The following ADI1 variants were observed in gnomAD, a reference collection of about 807,000 sequenced individuals.
The protein encoded by ADI1 is acireductone dioxygenase 1.
ADI1 carries 21 observed loss-of-function variants against 18.7 expected under a neutral mutation model. That is an observed-to-expected ratio of 1.13 (90% CI 0.80 to 1.62). The LOEUF (loss-of-function observed/expected upper bound fraction) is 1.62, where lower values mean the gene tolerates loss of function less well. ADI1 is among the 40% of genes most tolerant of loss of function. The pLI is 0.00. For synonymous variants in ADI1, 90 were observed against 100.1 expected (o/e 0.90, Z 0.60); for missense variants, 245 against 254.9 (o/e 0.96, Z 0.26).
Position 3,498,893 on chromosome 2 carries a change from G to A in ADI1, c.*70C>T, listed in dbSNP as rs542113701. The stretch of plus-strand genomic sequence containing the variant: ...TATCCTCTAAAAGCAAAGAGAAAGT[G>A]ATTGATTTTCTGCTCAGTCATTACA... On this transcript the variant is annotated 3_prime_UTR_variant, in exon 4 of 4. Coordinates refer to ENST00000327435, the MANE Select transcript of ADI1 (RefSeq NM_018269.4). 4.3e-4 allele frequency: 657 copies of A among 1,530,308 alleles called. No homozygotes were observed. Among genetic ancestry groups the A allele is most frequent in the Non-Finnish European group, 5.5e-4 (625 of 1,131,006 alleles). The allele number at this position is 1,530,308 out of a possible 1,614,324, so 94.8% of individuals were successfully genotyped here. A position where few individuals can be genotyped will look rare whatever the true frequency, so the allele number is the denominator to read the frequency against.
intron 2 of ADI1, among the ~76,000 whole-genome samples, chr2:3,513,220 G>A (rs1326103875): frequency 6.6e-6 from 1 of 152,186 alleles, no homozygotes; most frequent in Non-Finnish European, 1.5e-5. Flanking sequence ...TGAGACTTTG[G>A]ACTTGAACTT....
chr2:3,501,580 C>A (rs771807286), intron 2 of ADI1, among the ~76,000 whole-genome samples: 41 of 152,168 alleles, frequency 2.7e-4, no homozygotes, highest in Non-Finnish European at 4.4e-4. Context: ...GTTGCCCAGG[C>A]TGGAGTGCAG....
chr2:3,519,328 G>C, intron 1 of ADI1, 40 bp downstream of exon 1: 1 of 1,351,014 alleles, frequency 7.4e-7, no homozygotes, highest in Non-Finnish European at 9.5e-7. Context: ...TTTGGGGGTC[G>C]GCGTCGCCCG....
At chr2:3,509,925 C>A (rs1216495024) in intron 2 of ADI1, among the ~76,000 whole-genome samples, 1 of 151,962 alleles carries the variant, frequency 6.6e-6, no homozygotes, top group Non-Finnish European at 1.5e-5. Flanking sequence ...AGGAGGATCA[C>A]CTGAGATCAG....
rs748614918 is a variant in ADI1, at chr2:3,513,899, G to C, written c.198C>G (p.Ile66Met). The stretch of plus-strand genomic sequence containing the variant: ...GTAGTTTATCTTTGCATATGGTTAT[G>C]ATGTCCATCCAGGAGTAGTTCCTCT... ...RRERNYSWMD[I>M]ITICKDKLPN... Residue 66 changes from isoleucine to methionine, a missense_variant, in exon 2 of 4, where the codon ATC (isoleucine) becomes ATG (methionine). By Grantham distance (10) the Ile-to-Met change is conservative. Coordinates refer to ENST00000327435, the MANE Select transcript of ADI1 (RefSeq NM_018269.4). 11 of 1,610,940 alleles carry C rather than the reference G, an allele frequency of 6.8e-6. No individual in the cohort carries two copies. The highest frequency in any genetic ancestry group is 8.5e-6 in the Non-Finnish European group (10 of 1,179,340).
At chr2:3,500,739 C>T in intron 3 of ADI1, 75 bp downstream of exon 3, 2 of 1,591,578 alleles carry the variant, frequency 1.3e-6, no homozygotes. Flanking sequence ...GGAAGCCGCG[C>T]AGTTCAGCGG....
At chr2:3,515,105 G>A (rs935691411) in intron 1 of ADI1, 3 of 270,892 alleles carry the variant, frequency 1.1e-5, no homozygotes, top group South Asian at 9.0e-5. Flanking sequence ...AAATAACAGC[G>A]ATTTTTAGGG....
rs10208494 is a variant in ADI1, at chr2:3,498,938, A to G, written c.*25T>C. ...ATTACATTGGGGACCTTTACGAGGC[A>G]CGTGTTAGTTCCCAGGCAGCACTGC... On this transcript the variant is annotated 3_prime_UTR_variant, in exon 4 of 4. Coordinates refer to ENST00000327435, the MANE Select transcript of ADI1 (RefSeq NM_018269.4). 0.18 allele frequency: 294,179 copies of G among 1,590,258 alleles called. 36,331 individuals are homozygous for G. The highest frequency in any genetic ancestry group is 0.62 in the African/African-American group (45,994 of 74,408).
intron 2 of ADI1, among the ~76,000 whole-genome samples, chr2:3,505,362 A>C (rs1395000315): frequency 6.6e-6 from 1 of 152,132 alleles, no homozygotes; most frequent in Non-Finnish European, 1.5e-5. Flanking sequence ...GGGTCGAGAA[A>C]CCCAAACTGT....
At chr2:3,518,537 G>A (rs533018558) in intron 1 of ADI1, among the ~76,000 whole-genome samples, 8 of 152,368 alleles carry the variant, frequency 5.3e-5, no homozygotes, top group African/African-American at 1.7e-4. Context: ...GCCTTGCAAA[G>A]CTAGCGTTAC....
chr2:3,498,726 G>A lies in ADI1; in HGVS notation c.*237C>T. The stretch of plus-strand genomic sequence containing the variant: ...TCAACTGAATGCATGAACTAACACA[G>A]GGCCATGGACCCACCAGTCTTGATT... On this transcript the variant is annotated 3_prime_UTR_variant, in exon 4 of 4. Transcript: ENST00000327435. 2.1e-6 allele frequency: 1 copy of A among 485,882 alleles called. No individual in the cohort carries two copies. 30.1% of individuals were successfully genotyped at this position (485,882 alleles called of 1,614,324 possible). A position where few individuals can be genotyped will look rare whatever the true frequency, so the allele number is the denominator to read the frequency against.
intron 2 of ADI1, among the ~76,000 whole-genome samples, chr2:3,503,494 TAC>T (rs200334838): frequency 0.06 from 2,996 of 49,712 alleles, 976 homozygotes; most frequent in African/African-American, 0.24. Flanking sequence ...CATGCACACG[TAC>T]ACACACACGC....
intron 1 of ADI1, chr2:3,516,540 CAT>C (rs1558430615): frequency 1.8e-5 from 3 of 169,038 alleles, no homozygotes; most frequent in Non-Finnish European, 3.5e-5. Flanking sequence ...CCTTCCACCA[CAT>C]GAGGACAGAG....
At chr2:3,500,527 GCCGCCGCATGTACC>G in intron 3 of ADI1, 1 of 183,182 alleles carries the variant, frequency 5.5e-6, no homozygotes, top group East Asian at 1.2e-4. Context: ...GTGTGTACCT[GCCGCCGCATGTACC>G]TGCCGCCGCC....
At chr2:3,518,750 C>A (rs573203927) in intron 1 of ADI1, among the ~76,000 whole-genome samples, 1 of 152,240 alleles carries the variant, frequency 6.6e-6, no homozygotes, top group Non-Finnish European at 1.5e-5. Flanking sequence ...GAAGAAACCC[C>A]TGGGCCTTTG....
intron 3 of ADI1, among the ~76,000 whole-genome samples, chr2:3,499,893 C>T (rs1358526082): frequency 6.6e-6 from 1 of 151,892 alleles, no homozygotes; most frequent in Non-Finnish European, 1.5e-5. Flanking sequence ...GGTGAAACCC[C>T]GTCTCTACTA....
chr2:3,505,691 T>A (rs1330787077), intron 2 of ADI1, among the ~76,000 whole-genome samples: 1 of 152,146 alleles, frequency 6.6e-6, no homozygotes, highest in African/African-American at 2.4e-5. Flanking sequence ...TCCAGCCCCT[T>A]CGGAACTCCA....
chr2:3,508,409 T>C (rs1667225059), intron 2 of ADI1, among the ~76,000 whole-genome samples: 2 of 144,266 alleles, frequency 1.4e-5, no homozygotes, highest in South Asian at 2.2e-4. Context: ...CCAAATATGG[T>C]AGACATTAAT....
At position 3,498,916 on chromosome 2, in the gene ADI1, A is replaced by G; in HGVS notation, c.*47T>C. ...GTGATTGATTTTCTGCTCAGTCATT[A>G]CATTGGGGACCTTTACGAGGCACGT... On this transcript the variant is annotated 3_prime_UTR_variant, in exon 4 of 4. Coordinates refer to ENST00000327435, the MANE Select transcript of ADI1 (RefSeq NM_018269.4). The G allele has an allele frequency of 6.4e-7, 1 of 1,571,746 alleles. No homozygotes were observed. Among genetic ancestry groups the G allele is most frequent in the Middle Eastern group, 2.1e-4 (1 of 4,838 alleles).
Sources: allele counts gnomAD v4.1 joint callset (sites outside exome capture counted in the v4.1 genomes callset), GRCh38; gene constraint gnomAD v4.1.1; transcripts MANE v1.5; gene names NCBI Gene and HGNC (gene_info 2026-07-23, HGNC 2026-07-21).